DGKD: variants seen among roughly 807,000 people sequenced by gnomAD.
DGKD encodes DAG kinase delta.
Under a neutral mutation model 154.4 loss-of-function variants are expected in DGKD, and 68 were observed. The observed-to-expected ratio is 0.44, with a 90% CI of 0.36 to 0.54. The LOEUF (loss-of-function observed/expected upper bound fraction) is 0.54. Ranked by LOEUF, DGKD falls within the 20% of genes least tolerant of loss-of-function variation. DGKD has a pLI of 0.00. For synonymous variants in DGKD, 693 were observed against 638.0 expected, an observed-to-expected ratio of 1.09 and a Z score of -1.30; for missense variants, 1,343 against 1,593.6, an observed-to-expected ratio of 0.84 and a Z score of 2.68.
At chr2:233,406,680 AC>A (rs1169576888) in intron 3 of DGKD, among the ~76,000 whole-genome samples, 1 of 152,160 alleles carries the variant, frequency 6.6e-6, no homozygotes, top group Admixed American at 6.5e-5. Flanking sequence ...TATTTTTGGC[AC>A]TTAGAGAAAT....
chr2:233,366,652 A>G lies in DGKD; in HGVS notation c.156+11978A>G, dbSNP rs567230832. ...TGGCTTGCTAGTGTGCCATGAAGCC[A>G]TGTAGGTCTCACTGAACCCAGATAG... On this transcript the variant is annotated intron_variant, in intron 1 of 29. Coordinates refer to ENST00000264057, the MANE Select transcript of DGKD (RefSeq NM_152879.3). 6.6e-5 allele frequency among the ~76,000 whole-genome samples: 10 copies of G among 152,260 alleles called. No homozygotes were observed. In the South Asian group the frequency reaches 1.2e-3, roughly 19 times the overall value.
intron 28 of DGKD, among the ~76,000 whole-genome samples, chr2:233,468,088 A>G (rs1215539441): frequency 6.6e-6 from 1 of 152,020 alleles, no homozygotes; most frequent in Non-Finnish European, 1.5e-5. Flanking sequence ...AACAGATGCC[A>G]GCTCTGCTGC....
At chr2:233,404,033 GTT>G (rs1024428431) in intron 3 of DGKD, among the ~76,000 whole-genome samples, 1 of 144,340 alleles carries the variant, frequency 6.9e-6, no homozygotes. Context: ...TAAATTTTGT[GTT>G]TTGTGTTACA....
intron 3 of DGKD, among the ~76,000 whole-genome samples, chr2:233,409,791 T>G (rs1182106252): frequency 1.2e-3 from 27 of 23,376 alleles, no homozygotes; most frequent in African/African-American, 2.5e-3. Context: ...CATACCGTTT[T>G]TTTTTTTTTT....
At chr2:233,366,190 C>T (rs1702018953) in intron 1 of DGKD, among the ~76,000 whole-genome samples, 1 of 152,100 alleles carries the variant, frequency 6.6e-6, no homozygotes, top group South Asian at 2.1e-4. Flanking sequence ...TGCCTATTTT[C>T]CCCCAGATTA....
intron 1 of DGKD, among the ~76,000 whole-genome samples, chr2:233,375,073 C>G (rs545723570): frequency 6.6e-6 from 1 of 152,024 alleles, no homozygotes; most frequent in Middle Eastern, 3.2e-3. Context: ...GTGGATCACC[C>G]GATGTCAGGA....
At chr2:233,454,605 G>A (rs2063396299) in intron 18 of DGKD, 158 bp from the exon 19 acceptor site, 2 of 596,686 alleles carry the variant, frequency 3.4e-6, no homozygotes, top group East Asian at 5.8e-5. Flanking sequence ...ATTTTAAATT[G>A]GTAAATTATC....
chr2:233,395,353 A>G (rs1703936512), intron 3 of DGKD, among the ~76,000 whole-genome samples: 1 of 151,964 alleles, frequency 6.6e-6, no homozygotes. Flanking sequence ...GTTTTTTTGT[A>G]GAGAAGGAGT....
rs1369758227 is a variant in DGKD at position 233,467,413 on chromosome 2, C to A, written c.3424+210C>A. ...CCTCTGACCGTTGTCACACCCGGCC[C>A]TGACGTGCTCTCTGGCTTTCTGCCT... is the stretch of plus-strand genomic sequence containing the variant. On this transcript the variant is annotated intron_variant, in intron 28 of 29. Coordinates refer to ENST00000264057, the MANE Select transcript of DGKD (RefSeq NM_152879.3). Among the ~76,000 whole-genome samples the A allele has an allele frequency of 2.0e-5, 3 of 152,156 alleles. No homozygotes were observed. The East Asian group carries it at 5.8e-4, about 29-fold the overall frequency.
intron 29 of DGKD, among the ~76,000 whole-genome samples, chr2:233,468,901 C>T (rs750867752): frequency 3.3e-5 from 5 of 152,240 alleles, no homozygotes; most frequent in Admixed American, 6.5e-5. Flanking sequence ...TGCTGCCACT[C>T]GTCTGCAGGG....
chr2:233,453,032 T>C (rs958556398), intron 18 of DGKD, among the ~76,000 whole-genome samples: 1 of 152,142 alleles, frequency 6.6e-6, no homozygotes, highest in African/African-American at 2.4e-5. Context: ...CTCCTGAGGC[T>C]TTTTTCCTTG....
intron 3 of DGKD, among the ~76,000 whole-genome samples, chr2:233,398,302 C>T (rs1398294113): frequency 2.0e-5 from 3 of 151,782 alleles, no homozygotes; most frequent in Non-Finnish European, 2.9e-5. Context: ...CCACCACGCC[C>T]GACTAATTTT....
At chr2:233,376,610 T>C (rs838710) in intron 1 of DGKD, among the ~76,000 whole-genome samples, 50,933 of 151,984 alleles carry the variant, frequency 0.34, 9,377 homozygotes, top group Middle Eastern at 0.47. Context: ...TTTTTTATTA[T>C]ACTTTAAGTT....
chr2:233,373,130 A>G (rs1702406500), intron 1 of DGKD, among the ~76,000 whole-genome samples: 1 of 152,206 alleles, frequency 6.6e-6, no homozygotes, highest in Admixed American at 6.5e-5. Flanking sequence ...AAAGCTGGAA[A>G]GTGGCAATGT....
At chr2:233,415,848 A>G (rs2061947835) in intron 3 of DGKD, among the ~76,000 whole-genome samples, 1 of 152,116 alleles carries the variant, frequency 6.6e-6, no homozygotes, top group African/African-American at 2.4e-5. Context: ...CTGGTCTTGA[A>G]CACCTGGGCT....
intron 3 of DGKD, among the ~76,000 whole-genome samples, chr2:233,421,326 C>T (rs1427948540): frequency 6.6e-6 from 1 of 152,154 alleles, no homozygotes; most frequent in Admixed American, 6.5e-5. Flanking sequence ...GTCTGCTGTC[C>T]TCAGAGCACA....
At chr2:233,397,217 TGC>T (rs2061425984) in intron 3 of DGKD, among the ~76,000 whole-genome samples, 2 of 1,478 alleles carry the variant, frequency 1.4e-3, no homozygotes, top group Non-Finnish European at 2.1e-3. Context: ...GGGGGGGGGG[TGC>T]CAGAGTGAGA....
In DGKD at chr2:233,402,996, A is replaced by C. The variant is rs543746832; in HGVS notation, c.348+12513A>C. Among the ~76,000 whole-genome samples the C allele has an allele frequency of 2.0e-5, 3 of 152,162 alleles. No homozygotes were observed. In the East Asian group the frequency reaches 5.8e-4, roughly 29 times the overall value. The stretch of plus-strand genomic sequence containing the variant: ...GGAAGAAGGTACAAAGTACAGTTAG[A>C]GTGGTGGTGGTTAGCCTTGGGAGGG... On this transcript the variant is annotated intron_variant, in intron 3 of 29. Transcript: ENST00000264057.
rs1388376140 is a variant in DGKD at position 233,354,526 on chromosome 2, C to T, written c.8C>T (p.Ala3Val). Residue 3 changes from alanine to valine, a missense_variant, in exon 1 of 30, where the codon GCG (alanine) becomes GTG (valine). Transcript: ENST00000264057. The surrounding 1 kb of genome is among the most constrained non-coding windows in gnomAD (Gnocchi z 4.8). MA[A>V]AAGAPPPGPP... ...GCGCGCTGGCCCGGCAGCATGGCGG[C>T]GGCGGCGGGCGCCCCTCCGCCGGGT... 8 of 987,982 alleles carry T rather than the reference C, an allele frequency of 8.1e-6. No individual in the cohort carries two copies. The African/African-American group carries it at 1.4e-4, about 17-fold the overall frequency. 61.2% of individuals were successfully genotyped at this position (987,982 alleles called of 1,614,324 possible). A position where few individuals can be genotyped will look rare whatever the true frequency, so the allele number is the denominator to read the frequency against.
Sources: gnomAD v4.1 joint callset for allele counts (sites outside exome capture counted in the v4.1 genomes callset) on GRCh38, gnomAD v4.1.1 for gene constraint, Gnocchi (gnomAD v3.1) non-coding constraint, MANE v1.5 for transcripts, NCBI Gene and HGNC (gene_info 2026-07-23, HGNC 2026-07-21) for gene names.